NKAIN2: variants seen among roughly 807,000 people sequenced by gnomAD.
The protein encoded by NKAIN2 is sodium/potassium-transporting ATPase subunit beta-1-interacting protein 2.
NKAIN2 carries 14 observed loss-of-function variants against 32.6 expected under a neutral mutation model. That is an observed-to-expected ratio of 0.43 (90% confidence interval 0.28 to 0.67). The LOEUF (loss-of-function observed/expected upper bound fraction) is 0.67. Among genes scored for constraint, NKAIN2 ranks in the 30% least tolerant of loss-of-function variants. NKAIN2 has a pLI of 0.17. For synonymous variants in NKAIN2, 80 were observed against 87.2 expected, an observed-to-expected ratio of 0.92 and a Z score of 0.46; for missense variants, 198 against 258.3, an observed-to-expected ratio of 0.77 and a Z score of 1.60.
intron 1 of NKAIN2, among the ~76,000 whole-genome samples, chr6:124,232,363 A>G (rs1792504561): frequency 6.6e-6 from 1 of 152,190 alleles, no homozygotes; most frequent in African/African-American, 2.4e-5. Flanking sequence ...AGGAACTGAA[A>G]TTAAAGGAAA....
At chr6:124,459,527 T>C (rs1776448687) in intron 3 of NKAIN2, among the ~76,000 whole-genome samples, 2 of 151,882 alleles carry the variant, frequency 1.3e-5, no homozygotes. Flanking sequence ...AGAAAAACCA[T>C]CTTGACACCT....
intron 4 of NKAIN2, among the ~76,000 whole-genome samples, chr6:124,663,467 A>G (rs921991335): frequency 2.0e-5 from 3 of 152,182 alleles, no homozygotes; most frequent in African/African-American, 7.2e-5. Flanking sequence ...CATTTTTCAA[A>G]AACTAAATTA....
intron 1 of NKAIN2, among the ~76,000 whole-genome samples, chr6:124,270,492 T>C (rs926550222): frequency 1.3e-5 from 2 of 152,222 alleles, no homozygotes; most frequent in Non-Finnish European, 1.5e-5. Flanking sequence ...ATGTTTAATA[T>C]GATTCTGCTG....
At chr6:123,921,065 G>A (rs1335611489) in intron 1 of NKAIN2, among the ~76,000 whole-genome samples, 1 of 152,126 alleles carries the variant, frequency 6.6e-6, no homozygotes, top group Non-Finnish European at 1.5e-5. Context: ...TCTCACAGTG[G>A]ACAATGGAAA....
At chr6:124,788,661 A>G (rs1779609873) in intron 4 of NKAIN2, among the ~76,000 whole-genome samples, 2 of 152,042 alleles carry the variant, frequency 1.3e-5, no homozygotes, top group South Asian at 4.1e-4. Flanking sequence ...TGAGAACAGC[A>G]TGAAGGTAAC....
chr6:124,243,711 C>T (rs1793233461), intron 1 of NKAIN2, among the ~76,000 whole-genome samples: 1 of 151,536 alleles, frequency 6.6e-6, no homozygotes, highest in Admixed American at 6.6e-5. Flanking sequence ...TTTCCCTGCA[C>T]TTTCTCTGCT....
chr6:124,536,461 A>AG (rs1779718445), intron 3 of NKAIN2, among the ~76,000 whole-genome samples: 1 of 152,062 alleles, frequency 6.6e-6, no homozygotes, highest in Non-Finnish European at 1.5e-5. Flanking sequence ...CAGATGTTCT[A>AG]GGGGGTCTCA....
intron 1 of NKAIN2, among the ~76,000 whole-genome samples, chr6:124,036,607 C>CTCTTTGTGTG (rs1781614088): frequency 6.6e-6 from 1 of 152,110 alleles, no homozygotes; most frequent in Non-Finnish European, 1.5e-5. Flanking sequence ...ATCAGCTAAT[C>CTCTTTGTGTG]TCTCTCGTGT....
chr6:124,266,970 C>T (rs756141840), intron 1 of NKAIN2, among the ~76,000 whole-genome samples: 11 of 151,548 alleles, frequency 7.3e-5, no homozygotes, highest in Non-Finnish European at 1.5e-4. Flanking sequence ...GAAGAATTAA[C>T]GAAGTCCAAT....
At chr6:124,086,876 T>C (rs948809749) in intron 1 of NKAIN2, among the ~76,000 whole-genome samples, 4 of 151,954 alleles carry the variant, frequency 2.6e-5, no homozygotes, top group African/African-American at 9.7e-5. Flanking sequence ...CTCTCTATGA[T>C]GTCTTCCAGA....
intron 1 of NKAIN2, among the ~76,000 whole-genome samples, chr6:124,266,520 T>A (rs962337381): frequency 6.6e-6 from 1 of 151,944 alleles, no homozygotes. Context: ...CTCTAGTGAT[T>A]CACCCACCTC....
intron 1 of NKAIN2, among the ~76,000 whole-genome samples, chr6:123,976,324 TG>T (rs2114650375): frequency 1.8e-5 from 1 of 55,748 alleles, no homozygotes; most frequent in Non-Finnish European, 3.8e-5. Context: ...TATATATATA[TG>T]TTCCCATATA....
At chr6:124,743,738 C>T (rs1429074029) in intron 4 of NKAIN2, among the ~76,000 whole-genome samples, 1 of 151,818 alleles carries the variant, frequency 6.6e-6, no homozygotes, top group African/African-American at 2.4e-5. Flanking sequence ...TTGGTAAGTT[C>T]ACTGCTCCCA....
At chr6:124,308,659 A>G (rs2114994683) in intron 2 of NKAIN2, among the ~76,000 whole-genome samples, 1 of 152,302 alleles carries the variant, frequency 6.6e-6, no homozygotes, top group East Asian at 1.9e-4. Context: ...CTACTGTATC[A>G]AATTAAATCT....
intron 1 of NKAIN2, among the ~76,000 whole-genome samples, chr6:124,027,790 CT>C (rs1337113062): frequency 2.0e-5 from 3 of 152,146 alleles, no homozygotes; most frequent in Admixed American, 6.5e-5. Flanking sequence ...GGCTTATAAT[CT>C]TTTAACTAAT....
intron 1 of NKAIN2, among the ~76,000 whole-genome samples, chr6:123,959,925 A>ATGTGTGTGTGTGTG (rs6149793): frequency 1.4e-5 from 2 of 141,270 alleles, no homozygotes; most frequent in Admixed American, 7.1e-5. Flanking sequence ...TCTTCCATAT[A>ATGTGTGTGTGTGTG]TGTGTGTGTG....
chr6:124,515,007 A>G (rs143985565), intron 3 of NKAIN2, among the ~76,000 whole-genome samples: 2,282 of 152,286 alleles, frequency 0.015, 54 homozygotes, highest in African/African-American at 0.051. Context: ...ACTTTATTCT[A>G]GGTTTAAATC....
chr6:124,281,881 T>C (rs1326003919), intron 1 of NKAIN2, among the ~76,000 whole-genome samples: 1 of 152,172 alleles, frequency 6.6e-6, no homozygotes, highest in Non-Finnish European at 1.5e-5. Context: ...TAAAGCATAG[T>C]GATGTTAGGA....
chr6:124,120,290 A>G (rs1359205112), intron 1 of NKAIN2, among the ~76,000 whole-genome samples: 1 of 152,138 alleles, frequency 6.6e-6, no homozygotes, highest in Non-Finnish European at 1.5e-5. Flanking sequence ...TTAAATCCTC[A>G]CAGATCTTGT....
Sources: allele counts gnomAD v4.1 joint callset (sites outside exome capture counted in the v4.1 genomes callset), GRCh38; gene constraint gnomAD v4.1.1; transcripts MANE v1.5; gene names NCBI Gene and HGNC (gene_info 2026-07-23, HGNC 2026-07-21).